The following HHLA2 variants were observed in gnomAD, a reference collection of about 807,000 sequenced individuals.
The protein encoded by HHLA2 is HERV-H LTR-associating protein 2.
HHLA2 carries 48 observed loss-of-function variants against 45.9 expected under a neutral mutation model. The ratio of observed to expected loss-of-function variants is 1.05; its 90% CI spans 0.83 to 1.33. The LOEUF is 1.33. Among genes scored for constraint, HHLA2 ranks in the 40% most tolerant of loss-of-function variants. HHLA2 has a pLI of 0.00. For missense variants in HHLA2, 462 were observed against 494.3 expected, an observed-to-expected ratio of 0.93 and a Z score of 0.62; for synonymous variants, 161 against 173.9, an observed-to-expected ratio of 0.93 and a Z score of 0.59.
At chr3:108,305,102 C>G (rs1349221499) in intron 1 of HHLA2, among the ~76,000 whole-genome samples, 1 of 152,146 alleles carries the variant, frequency 6.6e-6, no homozygotes, top group Non-Finnish European at 1.5e-5. Context: ...TGTACATTAT[C>G]TATTTTTTTC....
intron 1 of HHLA2, among the ~76,000 whole-genome samples, chr3:108,305,928 C>T (rs754656175): frequency 1.3e-5 from 2 of 152,158 alleles, no homozygotes; most frequent in Non-Finnish European, 2.9e-5. Flanking sequence ...TGGGTGATTG[C>T]AGCCCCAGGT....
chr3:108,345,465 A>C (rs1228878645), intron 3 of HHLA2, among the ~76,000 whole-genome samples: 2 of 152,246 alleles, frequency 1.3e-5, no homozygotes, highest in Non-Finnish European at 2.9e-5. Context: ...GGTATTGTTA[A>C]AATAACTACT....
chr3:108,299,791 A>T (rs2080821354), intron 1 of HHLA2, among the ~76,000 whole-genome samples: 2 of 152,192 alleles, frequency 1.3e-5, no homozygotes. Context: ...TCCAGCTCAA[A>T]TACTATTGAC....
chr3:108,343,926 T>C (rs918493245), intron 3 of HHLA2, among the ~76,000 whole-genome samples: 1 of 152,200 alleles, frequency 6.6e-6, no homozygotes, highest in African/African-American at 2.4e-5. Context: ...AGACTGTTGA[T>C]CCTCCTCAAT....
intron 8 of HHLA2, among the ~76,000 whole-genome samples, chr3:108,372,808 A>C (rs2082203500): frequency 6.6e-6 from 1 of 152,226 alleles, no homozygotes; most frequent in Non-Finnish European, 1.5e-5. Context: ...TAGACCAATA[A>C]CAGGCTCTGA....
intron 6 of HHLA2, among the ~76,000 whole-genome samples, chr3:108,357,574 C>T (rs542041116): frequency 6.6e-6 from 1 of 152,128 alleles, no homozygotes; most frequent in East Asian, 1.9e-4. Flanking sequence ...CTGTCAGGTT[C>T]TAAGAGTTAA....
At chr3:108,352,548 T>C (rs988602786) in intron 4 of HHLA2, among the ~76,000 whole-genome samples, 3 of 152,220 alleles carry the variant, frequency 2.0e-5, no homozygotes, top group African/African-American at 7.2e-5. Context: ...CCAGTGCTAA[T>C]ATCTTAGAAT....
At chr3:108,316,135 C>G (rs1316647055) in intron 2 of HHLA2, among the ~76,000 whole-genome samples, 3 of 150,912 alleles carry the variant, frequency 2.0e-5, no homozygotes, top group African/African-American at 7.3e-5. Context: ...AGTAAATATT[C>G]CAGCCGGAAA....
At chr3:108,366,011 A>G (rs1181583894) in intron 8 of HHLA2, among the ~76,000 whole-genome samples, 1 of 152,214 alleles carries the variant, frequency 6.6e-6, no homozygotes, top group African/African-American at 2.4e-5. Flanking sequence ...AAAACTTCCA[A>G]TACTATGTTG....
chr3:108,367,102 G>T (rs1320005096), intron 8 of HHLA2, among the ~76,000 whole-genome samples: 1 of 152,156 alleles, frequency 6.6e-6, no homozygotes, highest in Non-Finnish European at 1.5e-5. Context: ...CAGCAGACCT[G>T]CAGAAGAGGG....
Position 108,355,048 on chromosome 3 carries a change from T to C in HHLA2, c.419-67T>C. The C allele has an allele frequency of 3.4e-6, 5 of 1,473,788 alleles. No homozygotes were observed. In the South Asian group the frequency reaches 5.5e-5, roughly 16 times the overall value. The allele number at this position is 1,473,788 out of a possible 1,614,324, so 91.3% of individuals were successfully genotyped here. A position where few individuals can be genotyped will look rare whatever the true frequency, so the allele number is the denominator to read the frequency against. ...ATTTCATGGATATTAAAAAGTATTCTGCACAGACGGCCTATAAAGAAGCTA... is the reference window on the plus strand; with the variant it reads ...ATTTCATGGATATTAAAAAGTATTCCGCACAGACGGCCTATAAAGAAGCTA... On this transcript the variant is annotated intron_variant, in intron 5 of 10. Coordinates refer to ENST00000619531, the Ensembl canonical transcript of HHLA2.
intron 7 of HHLA2, among the ~76,000 whole-genome samples, chr3:108,358,836 A>G (rs562851232): frequency 6.6e-6 from 1 of 152,346 alleles, no homozygotes; most frequent in South Asian, 2.1e-4. Context: ...TATTTGAACC[A>G]GTGGAACTTA....
chr3:108,375,688 T>C (rs1223970628), intron 8 of HHLA2, 62 bp from the exon 8 acceptor site: 30 of 1,571,614 alleles, frequency 1.9e-5, no homozygotes, highest in Non-Finnish European at 2.5e-5. Context: ...AAGGTGACCT[T>C]ACAGGGAAAC....
At position 108,371,369 on chromosome 3, in the gene HHLA2, A is replaced by T. The variant is rs1037712780; in HGVS notation, c.1109-4381A>T. ...ACAACCGGTACCAGCCACTGCAAAA[A>T]CAGGCCAAATTGTAAAGACCATCGA... On this transcript the variant is annotated intron_variant, in intron 8 of 10. Transcript: ENST00000619531. Among the ~76,000 whole-genome samples, 16 of 152,310 alleles carry T rather than the reference A, an allele frequency of 1.1e-4. No individual in the cohort carries two copies. The East Asian group carries it at 1.5e-3, about 15-fold the overall frequency.
rs188554782 is a variant in HHLA2, at chr3:108,357,836, G to A, written c.686-8G>A. 1.4e-5 allele frequency: 23 copies of A among 1,590,028 alleles called. No individual in the cohort carries two copies. Among genetic ancestry groups the A allele is most frequent in the Admixed American group, 3.6e-5 (2 of 56,294 alleles). ...TCATTGATGTTTTCTTTTCTATTGT[G>A]TTGTTAGATGGCCTTCATAAAATGC... On this transcript the variant is annotated splice_polypyrimidine_tract_variant and splice_region_variant and intron_variant, in intron 6 of 10. Coordinates refer to ENST00000619531, the Ensembl canonical transcript of HHLA2.
Position 108,376,641 on chromosome 3 carries a change from A to T in HHLA2, c.1224+84A>T, listed in dbSNP as rs74857184. On this transcript the variant is annotated intron_variant, in intron 10 of 10. Coordinates refer to ENST00000619531, the Ensembl canonical transcript of HHLA2. Reference sequence around the variant, plus strand: ...GTAATTGAAGTTCTGACTGATTCACATATCATCAAGCAAGACTTTTATACA... The same window carrying T: ...GTAATTGAAGTTCTGACTGATTCACTTATCATCAAGCAAGACTTTTATACA... 668 of 1,198,166 alleles carry T rather than the reference A, an allele frequency of 5.6e-4. 6 individuals carry two copies. In the African/African-American group the frequency reaches 9.0e-3, roughly 16 times the overall value. 74.2% of individuals were successfully genotyped at this position (1,198,166 alleles called of 1,614,324 possible). A position where few individuals can be genotyped will look rare whatever the true frequency, so the allele number is the denominator to read the frequency against.
intron 2 of HHLA2, among the ~76,000 whole-genome samples, chr3:108,316,033 C>A (rs534243434): frequency 1.3e-5 from 2 of 151,188 alleles, no homozygotes; most frequent in East Asian, 3.9e-4. Flanking sequence ...TTATTTACAC[C>A]CTACATGTTT....
In HHLA2 at chr3:108,375,755, C is replaced by CA. The variant is rs2107521925; in HGVS notation, c.1114_1115insA (p.Leu372HisfsTer11). On this transcript the variant is annotated frameshift_variant, in exon 9 of 11. Coordinates refer to ENST00000619531, the Ensembl canonical transcript of HHLA2. LOFTEE classifies it high-confidence loss of function. ...TCCCTGTCTCTGATCTACAGCCCAG[C>CA]TAGAAGCCAGGAGGAGCAGACACCC... 1 of 1,610,820 alleles carries CA rather than the reference C, an allele frequency of 6.2e-7. No homozygotes were observed. The highest frequency in any genetic ancestry group is 8.5e-7 in the Non-Finnish European group (1 of 1,177,896).
intron 8 of HHLA2, 77 bp from the exon 8 acceptor site, chr3:108,375,673 A>G: frequency 6.5e-7 from 1 of 1,543,150 alleles, no homozygotes; most frequent in African/African-American, 1.4e-5. Flanking sequence ...GGACAGAGCC[A>G]TACCAAGGTG....
Sources: gnomAD v4.1 joint callset for allele counts (sites outside exome capture counted in the v4.1 genomes callset) on GRCh38, gnomAD v4.1.1 for gene constraint, MANE v1.5 for transcripts, NCBI Gene and HGNC (gene_info 2026-07-23, HGNC 2026-07-21) for gene names.